Variants in NXPE3 observed in about 807,000 individuals in gnomAD.
The protein encoded by NXPE3 is neurexophilin and PC-esterase domain family member 3.
Under a neutral mutation model 46.1 loss-of-function variants are expected in NXPE3, and 26 were observed. The ratio of observed to expected loss-of-function variants is 0.56; its 90% CI spans 0.41 to 0.78. NXPE3 has a LOEUF of 0.78. Among genes scored for constraint, NXPE3 ranks in the 30% least tolerant of loss-of-function variants. NXPE3 has a pLI of 0.00. For missense variants in NXPE3, 620 were observed against 686.0 expected (o/e 0.90, Z 1.07); for synonymous variants, 272 against 257.9 (o/e 1.05, Z -0.52).
At chr3:101,798,588 A>G (rs915598744) in intron 4 of NXPE3, among the ~76,000 whole-genome samples, 55 of 127,922 alleles carry the variant, frequency 4.3e-4, no homozygotes, top group Admixed American at 2.3e-3. Context: ...ATGTGTGTCT[A>G]TATATATATA....
intron 6 of NXPE3, among the ~76,000 whole-genome samples, chr3:101,811,248 G>A (rs932556220): frequency 6.6e-5 from 10 of 152,094 alleles, no homozygotes; most frequent in African/African-American, 2.4e-4. Context: ...CAGGTCTGTG[G>A]GTTAATAAAT....
chr3:101,812,151 T>C (rs1036578594), intron 6 of NXPE3, among the ~76,000 whole-genome samples: 2 of 152,238 alleles, frequency 1.3e-5, no homozygotes, highest in African/African-American at 4.8e-5. Context: ...CCTCATCTGA[T>C]GTTGATTTCT....
chr3:101,805,971 A>G (rs1332345274), intron 5 of NXPE3, among the ~76,000 whole-genome samples: 1 of 152,062 alleles, frequency 6.6e-6, no homozygotes, highest in Non-Finnish European at 1.5e-5. Flanking sequence ...AAAGTAGTTT[A>G]TATGTGCTCT....
intron 6 of NXPE3, among the ~76,000 whole-genome samples, chr3:101,808,626 C>T (rs1374100539): frequency 4.0e-5 from 6 of 151,662 alleles, no homozygotes; most frequent in Non-Finnish European, 7.4e-5. Context: ...TATTTTAGAA[C>T]ATTGACATCC....
At chr3:101,793,212 A>G (rs1940618583) in intron 4 of NXPE3, among the ~76,000 whole-genome samples, 1 of 152,208 alleles carries the variant, frequency 6.6e-6, no homozygotes, top group Admixed American at 6.5e-5. Context: ...GTCTGCAAAC[A>G]GAGATAGTTT....
intron 3 of NXPE3, 46 bp downstream of exon 3, chr3:101,782,826 G>A (rs996246632): frequency 6.6e-6 from 1 of 152,006 alleles, no homozygotes; most frequent in African/African-American, 2.4e-5. Flanking sequence ...TTTTTTGTGT[G>A]TGTGGAGTTG....
intron 3 of NXPE3, among the ~76,000 whole-genome samples, chr3:101,783,208 C>T (rs759753300): frequency 3.3e-5 from 5 of 152,080 alleles, no homozygotes; most frequent in African/African-American, 7.2e-5. Flanking sequence ...ACTACAGGCA[C>T]CCGCCACCAC....
intron 4 of NXPE3, among the ~76,000 whole-genome samples, chr3:101,788,802 G>C (rs1368889460): frequency 6.6e-6 from 1 of 152,098 alleles, no homozygotes; most frequent in African/African-American, 2.4e-5. Flanking sequence ...TTTTAGTAGA[G>C]ATGGGGTTTT....
Position 101,826,732 on chromosome 3 carries a change from TA to T in NXPE3, c.*4780del, listed in dbSNP as rs1942503484. 1 of 152,182 alleles carries T rather than the reference TA, an allele frequency of 6.6e-6. No homozygotes were observed. 9.4% of individuals were successfully genotyped at this position (152,182 alleles called of 1,614,324 possible). ...GTCTCTTAAAAGTGCTTTTACATTT[TA>T]ACTTTTTAAAAAAATGTGGGCCGGG... On this transcript the variant is annotated 3_prime_UTR_variant, in exon 8 of 8. Coordinates refer to ENST00000273347, the MANE Select transcript of NXPE3 (RefSeq NM_145037.4).
At chr3:101,820,198 T>G (rs1274668692) in intron 7 of NXPE3, among the ~76,000 whole-genome samples, 1 of 152,216 alleles carries the variant, frequency 6.6e-6, no homozygotes, top group East Asian at 1.9e-4. Flanking sequence ...CAATTTGATT[T>G]TTATAATTTA....
At chr3:101,790,202 T>G (rs61396602) in intron 4 of NXPE3, among the ~76,000 whole-genome samples, 18 of 152,046 alleles carry the variant, frequency 1.2e-4, no homozygotes, top group Admixed American at 3.9e-4. Flanking sequence ...CATTCTGCTT[T>G]TATTGCATGG....
intron 4 of NXPE3, among the ~76,000 whole-genome samples, chr3:101,795,534 A>T (rs1297034550): frequency 2.0e-5 from 3 of 149,988 alleles, no homozygotes; most frequent in African/African-American, 7.3e-5. Context: ...AAAAAAAAGC[A>T]GTCCATATTA....
chr3:101,809,902 G>A (rs1286165389), intron 6 of NXPE3, among the ~76,000 whole-genome samples: 2 of 152,224 alleles, frequency 1.3e-5, no homozygotes, highest in South Asian at 2.1e-4. Context: ...CTTTGCCTTA[G>A]CCTTAGAAGG....
intron 4 of NXPE3, among the ~76,000 whole-genome samples, chr3:101,789,423 G>A (rs186682776): frequency 4.7e-4 from 72 of 152,230 alleles, no homozygotes; most frequent in African/African-American, 1.7e-3. Context: ...GTGTGTGCCT[G>A]TTGTCCTAGC....
chr3:101,790,170 C>T (rs1940420350), intron 4 of NXPE3, among the ~76,000 whole-genome samples: 1 of 152,054 alleles, frequency 6.6e-6, no homozygotes, highest in Admixed American at 6.5e-5. Flanking sequence ...GGTATATATT[C>T]TATGTGTACT....
At chr3:101,801,164 C>G (rs1941119178) in intron 4 of NXPE3, 71 bp from the exon 5 acceptor site, 1 of 1,480,546 alleles carries the variant, frequency 6.8e-7, no homozygotes, top group Non-Finnish European at 9.1e-7. Context: ...GTGGGGAGCC[C>G]TCTGAATTTA....
At chr3:101,806,238 A>G (rs13094753) in intron 5 of NXPE3, among the ~76,000 whole-genome samples, 46,805 of 152,096 alleles carry the variant, frequency 0.31, 7,410 homozygotes, top group Non-Finnish European at 0.34. Flanking sequence ...ACATTCCCAT[A>G]TCAAGAATTT....
At chr3:101,811,590 C>A (rs775013044) in intron 6 of NXPE3, among the ~76,000 whole-genome samples, 2 of 152,230 alleles carry the variant, frequency 1.3e-5, no homozygotes, top group African/African-American at 4.8e-5. Flanking sequence ...TCTGAAGTCT[C>A]AAGAGTTGGA....
At chr3:101,811,596 T>G (rs1306328999) in intron 6 of NXPE3, among the ~76,000 whole-genome samples, 2 of 152,050 alleles carry the variant, frequency 1.3e-5, no homozygotes, top group Non-Finnish European at 2.9e-5. Flanking sequence ...GTCTCAAGAG[T>G]TGGAAATGTG....
Sources: gnomAD v4.1 joint callset for allele counts (sites outside exome capture counted in the v4.1 genomes callset) on GRCh38, gnomAD v4.1.1 for gene constraint, MANE v1.5 for transcripts, NCBI Gene and HGNC (gene_info 2026-07-23, HGNC 2026-07-21) for gene names.